Variants in RGS6 observed in about 807,000 individuals in gnomAD.
RGS6 encodes the protein regulator of G-protein signaling 6.
In RGS6, 30 loss-of-function variants were observed where a neutral mutation model predicts 78.5. That is an observed-to-expected ratio of 0.38 (90% CI 0.29 to 0.52). The LOEUF (loss-of-function observed/expected upper bound fraction) is 0.52, where lower values mean the gene tolerates loss of function less well. RGS6 is among the 20% of genes least tolerant of loss of function. RGS6 has a pLI of 0.85. For missense variants in RGS6, 495 were observed against 609.7 expected (o/e 0.81, Z 1.98); for synonymous variants, 206 against 206.0 (o/e 1.00, Z 0.00).
chr14:72,524,812 T>C (rs946243042), intron 15 of RGS6, among the ~76,000 whole-genome samples: 4 of 152,198 alleles, frequency 2.6e-5, no homozygotes, highest in African/African-American at 9.6e-5. Context: ...AAGCACTTCA[T>C]TGAGATAGGA....
chr14:72,039,676 C>T (rs972129593), intron 2 of RGS6, among the ~76,000 whole-genome samples: 3 of 151,976 alleles, frequency 2.0e-5, no homozygotes, highest in Non-Finnish European at 2.9e-5. Context: ...GCATTTAATC[C>T]ATTTACATTG....
At chr14:72,359,079 G>C (rs2080949317) in intron 3 of RGS6, among the ~76,000 whole-genome samples, 1 of 152,214 alleles carries the variant, frequency 6.6e-6, no homozygotes, top group South Asian at 2.1e-4. Flanking sequence ...GCCATGTGAA[G>C]AAGGATGTGT....
chr14:72,323,717 G>A (rs1001116616), intron 2 of RGS6, among the ~76,000 whole-genome samples: 1 of 140,552 alleles, frequency 7.1e-6, no homozygotes, highest in African/African-American at 2.6e-5. Context: ...CAGGAGAATT[G>A]CTTGAACCTG....
rs536156282 is a variant in RGS6, at chr14:72,284,358, G to GCC, written c.85-67737_85-67736insCC. 1.9e-3 allele frequency among the ~76,000 whole-genome samples: 195 copies of GCC among 102,866 alleles called. 4 individuals carry two copies. The highest frequency in any genetic ancestry group is 0.012 in the Admixed American group (119 of 9,778). The allele number at this position is 102,866 out of a possible 152,430, so 67.5% of individuals were successfully genotyped here. ...GCCCAGAGGCCTAGGAGGAAAAAAT[G>GCC]GCCCCCCCACCTGCTATGTGCAGCT... On this transcript the variant is annotated intron_variant, in intron 2 of 17. Transcript: ENST00000553525.
At chr14:72,533,593 C>T (rs563961892) in intron 15 of RGS6, among the ~76,000 whole-genome samples, 1 of 152,328 alleles carries the variant, frequency 6.6e-6, no homozygotes, top group East Asian at 1.9e-4. Context: ...AGTCACCCTT[C>T]TGGTGGATGC....
chr14:71,911,299 C>T, the RGS6 span, among the ~76,000 whole-genome samples: 1 of 152,200 alleles, frequency 6.6e-6, no homozygotes, highest in Non-Finnish European at 1.5e-5. Flanking sequence ...CAAGAACCAT[C>T]ACACTTCTTT....
At chr14:71,994,105 C>G (rs1304765675) in intron 2 of RGS6, among the ~76,000 whole-genome samples, 1 of 151,806 alleles carries the variant, frequency 6.6e-6, no homozygotes, top group African/African-American at 2.4e-5. Flanking sequence ...TTATACATAC[C>G]CAATTATCTG....
chr14:72,060,739 A>T (rs2153434245), intron 2 of RGS6, among the ~76,000 whole-genome samples: 1 of 152,332 alleles, frequency 6.6e-6, no homozygotes, highest in Non-Finnish European at 1.5e-5. Context: ...CTGAAGTCTT[A>T]TTCTGAAATA....
At chr14:72,518,660 T>C (rs559715225) in intron 15 of RGS6, 123 bp downstream of exon 15, 2 of 919,552 alleles carry the variant, frequency 2.2e-6, no homozygotes, top group African/African-American at 1.7e-5. Flanking sequence ...TATTTTTAAG[T>C]TCATCAGTGG....
intron 2 of RGS6, among the ~76,000 whole-genome samples, chr14:72,012,654 T>C (rs954154816): frequency 6.6e-6 from 1 of 152,152 alleles, no homozygotes; most frequent in Non-Finnish European, 1.5e-5. Context: ...GCACCTTCCT[T>C]TCATAGGTGA....
rs1361485719 is a variant in RGS6 at position 72,025,716 on chromosome 14, G to C, written c.84+60841G>C. On this transcript the variant is annotated intron_variant, in intron 2 of 17. Coordinates refer to ENST00000553525, the MANE Select transcript of RGS6 (RefSeq NM_001204424.2). Reference sequence around the variant, plus strand: ...TAATATTTTTGACACTTACATGTTAGGAACTAGACATTATTTCAGTAATCC... The same window carrying C: ...TAATATTTTTGACACTTACATGTTACGAACTAGACATTATTTCAGTAATCC... Among the ~76,000 whole-genome samples, 4 of 152,086 alleles carry C rather than the reference G, an allele frequency of 2.6e-5. No homozygotes were observed. The East Asian group carries it at 7.7e-4, about 29-fold the overall frequency.
Position 72,125,887 on chromosome 14 carries a change from A to G in RGS6, c.84+161012A>G, listed in dbSNP as rs571955718. ...GCCAGTTTGAACTGGGTAAGAACTG[A>G]CCTCAAGTTCCTATAAAACAATGTA... On this transcript the variant is annotated intron_variant, in intron 2 of 17. Coordinates refer to ENST00000553525, the MANE Select transcript of RGS6 (RefSeq NM_001204424.2). 2.0e-5 allele frequency among the ~76,000 whole-genome samples: 3 copies of G among 152,324 alleles called. No individual in the cohort carries two copies. In the East Asian group the frequency reaches 5.8e-4, roughly 29 times the overall value.
chr14:72,420,064 T>G (rs1199576661), intron 3 of RGS6, among the ~76,000 whole-genome samples: 1 of 152,186 alleles, frequency 6.6e-6, no homozygotes, highest in Non-Finnish European at 1.5e-5. Context: ...AGCTAAAAGC[T>G]TCAATTTACA....
At chr14:72,540,018 AC>A (rs2097301025) in intron 16 of RGS6, 22 bp from the exon 17 acceptor site, 4 of 1,499,988 alleles carry the variant, frequency 2.7e-6, no homozygotes, top group Non-Finnish European at 2.6e-6. Flanking sequence ...TTTTCTCCCT[AC>A]CCTTTTTTTT....
intron 2 of RGS6, among the ~76,000 whole-genome samples, chr14:72,219,998 C>T (rs1181140996): frequency 3.3e-5 from 5 of 152,074 alleles, no homozygotes; most frequent in African/African-American, 1.2e-4. Context: ...ATTGTCTCTG[C>T]CCAAAAGCTC....
chr14:72,026,692 A>G (rs2089930061), intron 2 of RGS6, among the ~76,000 whole-genome samples: 1 of 152,222 alleles, frequency 6.6e-6, no homozygotes. Flanking sequence ...CCTCTAAGCC[A>G]TCAGCCATCT....
chr14:72,203,817 CTTTCTTTT>C (rs1215782563), intron 2 of RGS6, among the ~76,000 whole-genome samples: 8 of 116,998 alleles, frequency 6.8e-5, no homozygotes, highest in Admixed American at 1.2e-4. Flanking sequence ...ACCTTTCTTT[CTTTCTTTT>C]TTTTTTTTTT....
At chr14:72,213,511 C>T (rs764470330) in intron 2 of RGS6, among the ~76,000 whole-genome samples, 8 of 152,088 alleles carry the variant, frequency 5.3e-5, no homozygotes, top group South Asian at 2.1e-4. Flanking sequence ...TTGATTTGAC[C>T]GCTGTAGTGA....
At chr14:72,181,858 CA>C (rs1850188926) in intron 2 of RGS6, among the ~76,000 whole-genome samples, 1 of 152,038 alleles carries the variant, frequency 6.6e-6, no homozygotes, top group African/African-American at 2.4e-5. Flanking sequence ...CTAGAGTTAC[CA>C]AAAATTTGTC....
Sources: allele counts gnomAD v4.1 joint callset (sites outside exome capture counted in the v4.1 genomes callset), GRCh38; gene constraint gnomAD v4.1.1; transcripts MANE v1.5; gene names NCBI Gene and HGNC (gene_info 2026-07-23, HGNC 2026-07-21).